The following SAMMSON variants were observed in gnomAD, a reference collection of about 807,000 sequenced individuals.
The protein encoded by SAMMSON is long intergenic non-protein coding RNA 1212.
chr3:70,087,177 T>C (rs1199564521), intron 4 of SAMMSON, among the ~76,000 whole-genome samples: 1 of 152,200 alleles, frequency 6.6e-6, no homozygotes, highest in Non-Finnish European at 1.5e-5. Context: ...GAAATATTCA[T>C]AGTGGCCAAT....
intron 4 of SAMMSON, among the ~76,000 whole-genome samples, chr3:70,142,429 C>A (rs901285549): frequency 3.9e-5 from 6 of 152,058 alleles, no homozygotes; most frequent in African/African-American, 1.4e-4. Context: ...AGTGAAGTAA[C>A]TCAGGAATGG....
At chr3:70,047,614 A>G (rs1008216430) in intron 3 of SAMMSON, among the ~76,000 whole-genome samples, 1 of 152,086 alleles carries the variant, frequency 6.6e-6, no homozygotes, top group African/African-American at 2.4e-5. Context: ...GATTATAGGC[A>G]TGAGCCATAT....
At chr3:70,114,862 A>T (rs1353591328) in intron 4 of SAMMSON, among the ~76,000 whole-genome samples, 4 of 152,186 alleles carry the variant, frequency 2.6e-5, no homozygotes, top group Admixed American at 2.0e-4. Flanking sequence ...TTCAAGCTTT[A>T]TTTAAGATAT....
At chr3:70,320,056 TC>T (rs1702525628) in intron 7 of SAMMSON, among the ~76,000 whole-genome samples, 3 of 152,022 alleles carry the variant, frequency 2.0e-5, no homozygotes. Flanking sequence ...AGATTTGAGA[TC>T]CATATATTGT....
intron 4 of SAMMSON, among the ~76,000 whole-genome samples, chr3:70,124,032 G>C (rs1412952751): frequency 1.3e-5 from 2 of 152,216 alleles, no homozygotes; most frequent in Non-Finnish European, 2.9e-5. Flanking sequence ...TCTAGGTCCA[G>C]CTTCCTCGCT....
intron 9 of SAMMSON, among the ~76,000 whole-genome samples, chr3:70,378,606 G>A (rs962622087): frequency 7.9e-5 from 12 of 152,072 alleles, no homozygotes; most frequent in East Asian, 5.8e-4. Flanking sequence ...TATTATAACA[G>A]TACAGTTGTA....
intron 7 of SAMMSON, among the ~76,000 whole-genome samples, chr3:70,329,196 G>A (rs1399777445): frequency 3.3e-5 from 5 of 152,100 alleles, no homozygotes; most frequent in Non-Finnish European, 1.5e-5. Flanking sequence ...ACTCAAGTGT[G>A]ACAGGAGAAA....
chr3:70,310,336 A>G (rs1702442865), intron 7 of SAMMSON, among the ~76,000 whole-genome samples: 2 of 151,726 alleles, frequency 1.3e-5, no homozygotes, highest in African/African-American at 4.8e-5. Flanking sequence ...TTTTTAAAAT[A>G]AGTATATTTT....
intron 6 of SAMMSON, chr3:70,283,944 C>G (rs1389288025): frequency 6.6e-6 from 1 of 152,034 alleles, no homozygotes. Flanking sequence ...ATTAACTCTG[C>G]TTTACTTCTG....
chr3:70,227,668 A>G (rs1371038994), intron 4 of SAMMSON, among the ~76,000 whole-genome samples: 1 of 152,184 alleles, frequency 6.6e-6, no homozygotes, highest in Non-Finnish European at 1.5e-5. Flanking sequence ...ACTACTTAAC[A>G]ATTTCTACAG....
chr3:70,384,850 A>G (rs1490078192), intron 9 of SAMMSON, among the ~76,000 whole-genome samples: 1 of 152,084 alleles, frequency 6.6e-6, no homozygotes, highest in Non-Finnish European at 1.5e-5. Flanking sequence ...GCTTTCTAGG[A>G]TGATGGAAAT....
intron 4 of SAMMSON, among the ~76,000 whole-genome samples, chr3:70,156,735 A>AT (rs921924186): frequency 1.8e-4 from 27 of 152,026 alleles, no homozygotes; most frequent in African/African-American, 6.0e-4. Flanking sequence ...AAAATGTCTG[A>AT]TTTTTTTTCT....
chr3:70,295,737 T>A (rs67224117), intron 7 of SAMMSON, among the ~76,000 whole-genome samples: 16,375 of 152,152 alleles, frequency 0.11, 1,127 homozygotes, highest in East Asian at 0.37. Context: ...AATGCAAATA[T>A]TTTAAAGTGC....
chr3:70,279,153 CAAT>C (rs927903611), intron 6 of SAMMSON, among the ~76,000 whole-genome samples: 3 of 150,812 alleles, frequency 2.0e-5, no homozygotes, highest in African/African-American at 4.9e-5. Flanking sequence ...ATCATGACAA[CAAT>C]AAGTGCCATT....
At chr3:70,137,902 G>A (rs2067512527) in intron 4 of SAMMSON, among the ~76,000 whole-genome samples, 1 of 152,154 alleles carries the variant, frequency 6.6e-6, no homozygotes, top group African/African-American at 2.4e-5. Flanking sequence ...GTATTGGGCA[G>A]TGTAGTTCTG....
intron 2 of SAMMSON, among the ~76,000 whole-genome samples, chr3:70,428,139 T>C (rs1038487782): frequency 1.3e-5 from 2 of 152,104 alleles, no homozygotes; most frequent in Admixed American, 6.5e-5. Context: ...GGCTCATGAG[T>C]CAGAAAACTC....
intron 4 of SAMMSON, among the ~76,000 whole-genome samples, chr3:70,101,669 C>T (rs909978143): frequency 1.3e-5 from 2 of 152,122 alleles, no homozygotes; most frequent in African/African-American, 4.8e-5. Context: ...TACCTTACAT[C>T]TGGAGAGCCT....
chr3:70,051,483 A>C (rs895309409), intron 3 of SAMMSON, among the ~76,000 whole-genome samples: 19 of 148,448 alleles, frequency 1.3e-4, no homozygotes, highest in African/African-American at 4.4e-4. Context: ...GCACCAACCT[A>C]ATAGAATAGG....
intron 4 of SAMMSON, chr3:70,126,227 T>C: frequency 9.3e-7 from 1 of 1,072,182 alleles, no homozygotes; most frequent in Non-Finnish European, 1.4e-6. Flanking sequence ...CTTTCTTTTC[T>C]TTATCGTCTT....
Sources: allele counts gnomAD v4.1 joint callset (sites outside exome capture counted in the v4.1 genomes callset), GRCh38; gene constraint gnomAD v4.1.1; transcripts MANE v1.5; gene names NCBI Gene and HGNC (gene_info 2026-07-23, HGNC 2026-07-21).